Variants in LY96 observed in about 807,000 individuals in gnomAD.
LY96 encodes myeloid differentiation protein-2.
Under a neutral mutation model 18.9 loss-of-function variants are expected in LY96, and 18 were observed. The ratio of observed to expected loss-of-function variants is 0.95; its 90% CI spans 0.66 to 1.41. The LOEUF is 1.41. LY96 is among the 40% of genes most tolerant of loss of function. LY96 has a pLI of 0.00. For synonymous variants in LY96, 66 were observed against 62.6 expected, an observed-to-expected ratio of 1.06 and a Z score of -0.26; for missense variants, 175 against 182.4, an observed-to-expected ratio of 0.96 and a Z score of 0.23.
the LY96 span, among the ~76,000 whole-genome samples, chr8:74,036,829 C>T: frequency 6.6e-6 from 1 of 152,112 alleles, no homozygotes; most frequent in Non-Finnish European, 1.5e-5. Flanking sequence ...TGTGGAGTAC[C>T]CCTTCACTTA....
chr8:74,010,613 C>T (rs1357532148), intron 3 of LY96, among the ~76,000 whole-genome samples: 3 of 151,964 alleles, frequency 2.0e-5, no homozygotes, highest in Non-Finnish European at 4.4e-5. Context: ...TCATTTTCCT[C>T]AGCTATAAAA....
At chr8:74,025,837 G>A (rs1013170539) in intron 3 of LY96, among the ~76,000 whole-genome samples, 3 of 152,034 alleles carry the variant, frequency 2.0e-5, no homozygotes, top group Non-Finnish European at 4.4e-5. Flanking sequence ...ATGAAACCCT[G>A]TCTTTACTAA....
chr8:74,054,006 G>A, the LY96 span, among the ~76,000 whole-genome samples: 172 of 152,286 alleles, frequency 1.1e-3, no homozygotes, highest in Middle Eastern at 3.4e-3. Flanking sequence ...GGACTCTCCA[G>A]AATTGTTAGC....
intron 1 of LY96, among the ~76,000 whole-genome samples, chr8:73,999,706 A>G (rs962419459): frequency 6.6e-6 from 1 of 152,286 alleles, no homozygotes; most frequent in African/African-American, 2.4e-5. Context: ...TCTAATAGAG[A>G]CAGGGTCTTG....
At chr8:74,018,246 A>T (rs1197829811) in intron 3 of LY96, among the ~76,000 whole-genome samples, 9 of 152,118 alleles carry the variant, frequency 5.9e-5, no homozygotes, top group Non-Finnish European at 8.8e-5. Context: ...AATAAAAAAA[A>T]TAAATAAATA....
the LY96 span, among the ~76,000 whole-genome samples, chr8:74,063,835 G>A: frequency 6.6e-6 from 1 of 152,062 alleles, no homozygotes; most frequent in Non-Finnish European, 1.5e-5. Flanking sequence ...CTTTTGCTGT[G>A]CTCTTATTAA....
intron 3 of LY96, among the ~76,000 whole-genome samples, chr8:74,021,369 A>G (rs1010716262): frequency 2.0e-5 from 3 of 152,252 alleles, no homozygotes; most frequent in Non-Finnish European, 4.4e-5. Flanking sequence ...AACCACAATG[A>G]GATACCATCT....
At chr8:74,005,991 A>G (rs1816401225) in intron 2 of LY96, among the ~76,000 whole-genome samples, 1 of 152,140 alleles carries the variant, frequency 6.6e-6, no homozygotes, top group Non-Finnish European at 1.5e-5. Context: ...CAGAAAAATG[A>G]AAAACAACAA....
chr8:74,038,062 G>GA, the LY96 span, among the ~76,000 whole-genome samples: 2 of 152,068 alleles, frequency 1.3e-5, no homozygotes, highest in Non-Finnish European at 2.9e-5. Context: ...GTTTACATGA[G>GA]AAAATTTTTT....
rs542791509 is a variant in LY96 at position 74,006,467 on chromosome 8, G to A, written c.202+1582G>A. On this transcript the variant is annotated intron_variant, in intron 2 of 4. Transcript: ENST00000284818. ...CCCGCCTAGGCCTCCCAAAGTGCTG[G>A]GATTACAGGCGCGAGCCACCGTGCC... is the stretch of plus-strand genomic sequence containing the variant. Among the ~76,000 whole-genome samples, 39 of 152,190 alleles carry A rather than the reference G, an allele frequency of 2.6e-4. 1 individual carries two copies. The South Asian group carries it at 7.3e-3, about 28-fold the overall frequency.
chr8:74,035,975 C>G, the LY96 span, among the ~76,000 whole-genome samples: 1 of 152,116 alleles, frequency 6.6e-6, no homozygotes, highest in Admixed American at 6.6e-5. Context: ...TCCTGATTAC[C>G]TAGGGCACAT....
intron 3 of LY96, among the ~76,000 whole-genome samples, chr8:74,026,444 T>A (rs1816873290): frequency 6.6e-6 from 1 of 152,244 alleles, no homozygotes; most frequent in Non-Finnish European, 1.5e-5. Flanking sequence ...CCCAGCTTAA[T>A]GTGCATCAAT....
intron 3 of LY96, among the ~76,000 whole-genome samples, chr8:74,016,723 C>T (rs968329823): frequency 6.6e-6 from 1 of 152,208 alleles, no homozygotes. Context: ...GCAATATTTA[C>T]TGGTCTGCAG....
the LY96 span, among the ~76,000 whole-genome samples, chr8:74,040,664 G>A: frequency 1.3e-5 from 2 of 150,130 alleles, no homozygotes; most frequent in African/African-American, 2.5e-5. Context: ...TTTATTTCTG[G>A]GTTCTCTATT....
chr8:74,076,604 C>T, the LY96 span, among the ~76,000 whole-genome samples: 3 of 151,764 alleles, frequency 2.0e-5, 1 homozygote, highest in Middle Eastern at 3.4e-3. Flanking sequence ...GGGTTACAGG[C>T]GTAAGTCACT....
chr8:74,044,052 G>A, the LY96 span, among the ~76,000 whole-genome samples: 1 of 152,120 alleles, frequency 6.6e-6, no homozygotes, highest in Non-Finnish European at 1.5e-5. Context: ...ACAAGCATAA[G>A]CCACCAAGCC....
the LY96 span, among the ~76,000 whole-genome samples, chr8:74,092,843 C>T: frequency 6.6e-6 from 1 of 152,290 alleles, no homozygotes. Flanking sequence ...TTCTTGCCGC[C>T]TCCTCTCTCT....
chr8:74,070,064 A>T, the LY96 span, among the ~76,000 whole-genome samples: 1 of 152,004 alleles, frequency 6.6e-6, no homozygotes, highest in African/African-American at 2.4e-5. Flanking sequence ...AGATAAGATG[A>T]ATGCTTAAAT....
chr8:74,099,670 C>A, the LY96 span: 1 of 152,178 alleles, frequency 6.6e-6, no homozygotes, highest in Non-Finnish European at 1.5e-5. Context: ...ATTAATGACT[C>A]CTCCTATAAT....
Sources: gnomAD v4.1 joint callset for allele counts (sites outside exome capture counted in the v4.1 genomes callset) on GRCh38, gnomAD v4.1.1 for gene constraint, MANE v1.5 for transcripts, NCBI Gene and HGNC (gene_info 2026-07-23, HGNC 2026-07-21) for gene names.